The following SLC37A1 variants were observed in gnomAD, a reference collection of about 807,000 sequenced individuals.
SLC37A1 encodes the protein solute carrier family 37 member 1.
Under a neutral mutation model 75.3 loss-of-function variants are expected in SLC37A1, and 49 were observed. The observed-to-expected ratio is 0.65, with a 90% CI of 0.52 to 0.83. The LOEUF (loss-of-function observed/expected upper bound fraction) is 0.83, where lower values mean the gene tolerates loss of function less well. Ranked by LOEUF, SLC37A1 falls within the 40% of genes least tolerant of loss-of-function variation. SLC37A1 has a pLI of 0.00. For synonymous variants in SLC37A1, 268 were observed against 292.1 expected (o/e 0.92, Z 0.84); for missense variants, 566 against 695.0 (o/e 0.81, Z 2.09).
At position 42,571,424 on chromosome 21, in the gene SLC37A1, A is replaced by C. The variant is rs1265834707; in HGVS notation, c.1423+2986A>C. ...GCAGAGCAATTAAATAGGGCACTGC[A>C]TTTTTCTTCAAGTTAATTTTTATTT... is the stretch of plus-strand genomic sequence containing the variant. On this transcript the variant is annotated intron_variant, in intron 17 of 19. Transcript: ENST00000352133. Among the ~76,000 whole-genome samples the C allele has an allele frequency of 2.0e-5, 3 of 152,320 alleles. No homozygotes were observed. The East Asian group carries it at 5.8e-4, about 29-fold the overall frequency.
At chr21:42,528,544 G>T (rs998957963) in intron 3 of SLC37A1, among the ~76,000 whole-genome samples, 6 of 152,222 alleles carry the variant, frequency 3.9e-5, no homozygotes, top group African/African-American at 1.4e-4. Flanking sequence ...GGAGAAAACT[G>T]GCTAGGCGCA....
intron 9 of SLC37A1, among the ~76,000 whole-genome samples, chr21:42,551,294 C>T (rs988712756): frequency 1.3e-5 from 2 of 152,170 alleles, no homozygotes; most frequent in Admixed American, 6.5e-5. Flanking sequence ...GAAATTAAGG[C>T]CGTTTCATTT....
chr21:42,516,196 G>A (rs1424212900), intron 1 of SLC37A1, among the ~76,000 whole-genome samples: 2 of 152,224 alleles, frequency 1.3e-5, no homozygotes, highest in African/African-American at 2.4e-5. Context: ...TGGGCAGTGT[G>A]CCAAAAACTG....
chr21:42,570,994 C>G (rs2056149032), intron 17 of SLC37A1, among the ~76,000 whole-genome samples: 1 of 152,226 alleles, frequency 6.6e-6, no homozygotes, highest in Admixed American at 6.5e-5. Context: ...TGCGTTACAC[C>G]AGAGGCAGGA....
At chr21:42,564,496 C>G (rs1369631704) in intron 13 of SLC37A1, among the ~76,000 whole-genome samples, 1 of 152,170 alleles carries the variant, frequency 6.6e-6, no homozygotes, top group Non-Finnish European at 1.5e-5. Context: ...AAAACCTGAA[C>G]CTGCAGATGT....
At chr21:42,533,267 G>A (rs2055040753) in intron 3 of SLC37A1, among the ~76,000 whole-genome samples, 1 of 152,098 alleles carries the variant, frequency 6.6e-6, no homozygotes. Context: ...CACTGAATGG[G>A]CACTCGATCC....
intron 2 of SLC37A1, among the ~76,000 whole-genome samples, chr21:42,524,991 A>T (rs1286480040): frequency 6.6e-6 from 1 of 152,078 alleles, no homozygotes; most frequent in Non-Finnish European, 1.5e-5. Flanking sequence ...GGTGGAGTGG[A>T]TCACCAGTGG....
At chr21:42,579,625 G>GGA in intron 18 of SLC37A1, 111 bp from the exon 19 acceptor site, 1 of 965,796 alleles carries the variant, frequency 1.0e-6, no homozygotes, top group Non-Finnish European at 1.5e-6. Context: ...GGTGCTGTGG[G>GGA]GAGAGAGCCA....
chr21:42,535,601 T>A, intron 5 of SLC37A1, 51 bp downstream of exon 5: 1 of 1,507,048 alleles, frequency 6.6e-7, no homozygotes, highest in Non-Finnish European at 9.2e-7. Context: ...GGCCCCTCCG[T>A]GCAGAGAAGA....
At chr21:42,517,409 G>C (rs929543952) in intron 1 of SLC37A1, among the ~76,000 whole-genome samples, 1 of 152,122 alleles carries the variant, frequency 6.6e-6, no homozygotes, top group Non-Finnish European at 1.5e-5. Flanking sequence ...AGAGATGAGG[G>C]GCGGCTCCTG....
At chr21:42,522,262 C>G (rs957552325) in intron 2 of SLC37A1, among the ~76,000 whole-genome samples, 1 of 152,206 alleles carries the variant, frequency 6.6e-6, no homozygotes, top group African/African-American at 2.4e-5. Flanking sequence ...GATATTCAAC[C>G]CAGTACAAAA....
At chr21:42,550,669 T>C (rs2055534290) in intron 9 of SLC37A1, among the ~76,000 whole-genome samples, 1 of 152,204 alleles carries the variant, frequency 6.6e-6, no homozygotes, top group Admixed American at 6.5e-5. Context: ...CTTTTATGAG[T>C]GTAGATGCAA....
intron 13 of SLC37A1, among the ~76,000 whole-genome samples, chr21:42,564,114 A>G (rs1354681760): frequency 6.7e-6 from 1 of 149,836 alleles, no homozygotes; most frequent in African/African-American, 2.5e-5. Flanking sequence ...AGCTGGACTC[A>G]GGGGCTCATG....
chr21:42,511,242 G>T (rs2054430000), upstream of SLC37A1, among the ~76,000 whole-genome samples: 1 of 152,090 alleles, frequency 6.6e-6, no homozygotes, highest in African/African-American at 2.4e-5. Flanking sequence ...CAACCAGTGG[G>T]GTCAAAGAAG....
intron 10 of SLC37A1, among the ~76,000 whole-genome samples, chr21:42,556,378 C>T (rs1162624169): frequency 1.3e-5 from 2 of 152,210 alleles, no homozygotes; most frequent in Non-Finnish European, 2.9e-5. Context: ...CTCCACCGTG[C>T]ACTTTGCACG....
chr21:42,545,052 C>T lies in SLC37A1; in HGVS notation c.730+1450C>T, dbSNP rs571612448. Among the ~76,000 whole-genome samples, 365 of 152,274 alleles carry T rather than the reference C, an allele frequency of 2.4e-3. No homozygotes were observed. The highest frequency in any genetic ancestry group is 2.2e-3 in the Non-Finnish European group (152 of 68,020). On this transcript the variant is annotated intron_variant, in intron 8 of 19. Coordinates refer to ENST00000352133, the MANE Select transcript of SLC37A1 (RefSeq NM_001320537.2). The surrounding 1 kb of genome is among the most constrained non-coding windows in gnomAD (Gnocchi z 4.0). ...CAGCACCCGCTCCAGGCATTCACGG[C>T]CCTATGTTGATGTTTGTCTCTGTAA...
chr21:42,506,279 G>T (rs768432897), intron 2 of SLC37A1, among the ~76,000 whole-genome samples: 16 of 152,142 alleles, frequency 1.1e-4, no homozygotes, highest in Non-Finnish European at 2.4e-4. Context: ...AAGCTTAACA[G>T]GATTTATATT....
intron 2 of SLC37A1, among the ~76,000 whole-genome samples, chr21:42,524,309 A>G (rs922378753): frequency 1.3e-5 from 2 of 152,056 alleles, no homozygotes; most frequent in Non-Finnish European, 2.9e-5. Context: ...GTATTTTTCT[A>G]TGCGGTGGTT....
upstream of SLC37A1, chr21:42,513,795 C>G (rs2054467335): frequency 6.8e-6 from 1 of 146,152 alleles, no homozygotes; most frequent in Non-Finnish European, 1.5e-5. Context: ...GCTCCGCCGG[C>G]GCCCCGCGGG....
Sources: allele counts gnomAD v4.1 joint callset (sites outside exome capture counted in the v4.1 genomes callset), GRCh38; gene constraint gnomAD v4.1.1; non-coding constraint Gnocchi (gnomAD v3.1); transcripts MANE v1.5; gene names NCBI Gene and HGNC (gene_info 2026-07-23, HGNC 2026-07-21).